The following RORA variants were observed in gnomAD, a reference collection of about 807,000 sequenced individuals.
RORA encodes nuclear receptor ROR-alpha.
A neutral mutation model predicts 69.5 loss-of-function variants in RORA; 7 were observed. That is an observed-to-expected ratio of 0.10 (90% CI 0.06 to 0.19). RORA has a LOEUF of 0.19. Ranked by LOEUF, RORA falls within the 10% of genes least tolerant of loss-of-function variation. RORA has a pLI of 1.00. For missense variants in RORA, 457 were observed against 663.0 expected, an observed-to-expected ratio of 0.69 and a Z score of 3.41; for synonymous variants, 261 against 240.8, an observed-to-expected ratio of 1.08 and a Z score of -0.78.
intron 2 of RORA, chr15:60,545,142 T>C (rs2067028745): frequency 6.6e-6 from 1 of 152,178 alleles, no homozygotes; most frequent in African/African-American, 2.4e-5. Flanking sequence ...TGAAAGCAAT[T>C]CCAAGAAATT....
At chr15:60,742,402 C>T (rs1429255156) in intron 1 of RORA, among the ~76,000 whole-genome samples, 2 of 152,270 alleles carry the variant, frequency 1.3e-5, no homozygotes, top group African/African-American at 4.8e-5. Flanking sequence ...CTATGGTGTA[C>T]AACATATTTT....
rs187227224 is a variant in RORA at position 60,830,235 on chromosome 15, T to G, written c.167-151549A>C. 2.0e-5 allele frequency among the ~76,000 whole-genome samples: 3 copies of G among 152,332 alleles called. No homozygotes were observed. In the East Asian group the frequency reaches 5.8e-4, roughly 29 times the overall value. ...TTCAAATAGAAGAAAGAATTATTTA[T>G]TTAGAAAATGTGGGAAAATACAGAT... On this transcript the variant is annotated intron_variant, in intron 1 of 10. Coordinates refer to ENST00000335670, the MANE Select transcript of RORA (RefSeq NM_134261.3).
chr15:60,889,185 T>G (rs2073784640), intron 1 of RORA, among the ~76,000 whole-genome samples: 1 of 152,168 alleles, frequency 6.6e-6, no homozygotes, highest in Non-Finnish European at 1.5e-5. Flanking sequence ...CCACTTGAAC[T>G]CCTCGAGGCA....
chr15:60,903,151 C>T (rs1163443999), intron 1 of RORA, among the ~76,000 whole-genome samples: 1 of 152,160 alleles, frequency 6.6e-6, no homozygotes, highest in African/African-American at 2.4e-5. Flanking sequence ...CAAGCACCAA[C>T]CACAGGCTTG....
intron 1 of RORA, among the ~76,000 whole-genome samples, chr15:60,874,419 A>G (rs75032449): frequency 0.067 from 10,144 of 152,272 alleles, 417 homozygotes; most frequent in East Asian, 0.15. Flanking sequence ...AGGGGTCAGT[A>G]AACTTCCATA....
intron 1 of RORA, among the ~76,000 whole-genome samples, chr15:60,683,605 T>C (rs1471818748): frequency 6.6e-6 from 1 of 151,266 alleles, no homozygotes; most frequent in Non-Finnish European, 1.5e-5. Flanking sequence ...TGGCACCTTT[T>C]GATAAAGCTG....
intron 1 of RORA, among the ~76,000 whole-genome samples, chr15:61,015,414 ATAAGT>A (rs1233332353): frequency 6.6e-6 from 1 of 152,224 alleles, no homozygotes; most frequent in Non-Finnish European, 1.5e-5. Flanking sequence ...AGCTGCTCTT[ATAAGT>A]TGAGATATTA....
chr15:60,921,290 C>G (rs1488207778), intron 1 of RORA, among the ~76,000 whole-genome samples: 2 of 152,178 alleles, frequency 1.3e-5, no homozygotes, highest in African/African-American at 4.8e-5. Context: ...CTAATTCCAT[C>G]CCTAACAGAA....
At chr15:60,823,065 T>G in intron 1 of RORA, among the ~76,000 whole-genome samples, 1 of 94,110 alleles carries the variant, frequency 1.1e-5, no homozygotes, top group Non-Finnish European at 2.1e-5. Context: ...TCCCCTCCCC[T>G]CCCTCCCTTC....
chr15:60,706,643 G>A (rs558019629), intron 1 of RORA, among the ~76,000 whole-genome samples: 1 of 152,276 alleles, frequency 6.6e-6, no homozygotes, highest in African/African-American at 2.4e-5. Flanking sequence ...AACATTCCAT[G>A]GGCCAAATTC....
chr15:60,826,242 GAAGGAAAGAAAA>G (rs1283533702), intron 1 of RORA, among the ~76,000 whole-genome samples: 2 of 152,098 alleles, frequency 1.3e-5, no homozygotes, highest in Non-Finnish European at 2.9e-5. Context: ...CTTTTAGAAG[GAAGGAAAGAAAA>G]AAGGAAAAAA....
At chr15:61,015,479 A>C (rs1294415964) in intron 1 of RORA, among the ~76,000 whole-genome samples, 1 of 152,110 alleles carries the variant, frequency 6.6e-6, no homozygotes, top group African/African-American at 2.4e-5. Context: ...ATACACAAAA[A>C]AAAATGTTTG....
intron 1 of RORA, among the ~76,000 whole-genome samples, chr15:60,750,353 T>C (rs939523421): frequency 8.5e-5 from 13 of 152,250 alleles, no homozygotes; most frequent in Non-Finnish European, 1.9e-4. Flanking sequence ...AGCTAAAACC[T>C]GCAGTTTGAA....
At chr15:60,785,092 C>T (rs754975811) in intron 1 of RORA, among the ~76,000 whole-genome samples, 1 of 152,166 alleles carries the variant, frequency 6.6e-6, no homozygotes, top group Non-Finnish European at 1.5e-5. Flanking sequence ...CATTTACTCA[C>T]GATTATTGTG....
chr15:60,546,123 C>T (rs1299645190), intron 2 of RORA: 1 of 152,218 alleles, frequency 6.6e-6, no homozygotes, highest in Non-Finnish European at 1.5e-5. Flanking sequence ...GCATCTCCAT[C>T]ATGGTTGACA....
At chr15:61,027,911 T>C (rs886566763) in intron 1 of RORA, among the ~76,000 whole-genome samples, 2 of 152,170 alleles carry the variant, frequency 1.3e-5, no homozygotes, top group Non-Finnish European at 1.5e-5. Context: ...CTAAAGCCCA[T>C]AGCACTGTGA....
rs140251370 is a variant in RORA at position 60,903,873 on chromosome 15, T to C, written c.167-225187A>G. Among the ~76,000 whole-genome samples, 942 of 152,346 alleles carry C rather than the reference T, an allele frequency of 6.2e-3. 18 individuals carry two copies. The highest frequency in any genetic ancestry group is 0.021 in the African/African-American group (887 of 41,572). On this transcript the variant is annotated intron_variant, in intron 1 of 10. Coordinates refer to ENST00000335670, the MANE Select transcript of RORA (RefSeq NM_134261.3). ...CTTCCACAGCAAACCTCTTATATAA[T>C]GCTTTGTTGCTTCATTGATTTGATA...
chr15:60,655,061 T>C (rs2140705742), intron 2 of RORA, among the ~76,000 whole-genome samples: 1 of 152,308 alleles, frequency 6.6e-6, no homozygotes, highest in Middle Eastern at 3.4e-3. Flanking sequence ...GTATTGGGCT[T>C]GGTATATGAG....
intron 1 of RORA, among the ~76,000 whole-genome samples, chr15:60,993,566 C>T (rs1354281796): frequency 6.8e-6 from 1 of 147,140 alleles, no homozygotes; most frequent in Non-Finnish European, 1.5e-5. Context: ...TTGCTTGAAC[C>T]CAGGGGGCGG....
Sources: gnomAD v4.1 joint callset for allele counts (sites outside exome capture counted in the v4.1 genomes callset) on GRCh38, gnomAD v4.1.1 for gene constraint, MANE v1.5 for transcripts, NCBI Gene and HGNC (gene_info 2026-07-23, HGNC 2026-07-21) for gene names.